CREB1: variants seen among roughly 807,000 people sequenced by gnomAD.
CREB1 encodes the protein cyclic AMP-responsive element-binding protein 1.
A neutral mutation model predicts 42.0 loss-of-function variants in CREB1; 2 were observed. The ratio of observed to expected loss-of-function variants is 0.05; its 90% CI spans 0.02 to 0.15. The LOEUF (loss-of-function observed/expected upper bound fraction) is 0.15, where lower values mean the gene tolerates loss of function less well. Ranked by LOEUF, CREB1 falls within the 10% of genes least tolerant of loss-of-function variation. CREB1 has a pLI of 1.00. For missense variants in CREB1, 199 were observed against 388.9 expected (o/e 0.51, Z 4.11); for synonymous variants, 123 against 139.9 (o/e 0.88, Z 0.85).
chr2:207,577,457 T>A, intron 6 of CREB1, 48 bp from the exon 7 acceptor site: 1 of 1,595,888 alleles, frequency 6.3e-7, no homozygotes. Context: ...CATAATTGAA[T>A]CAAGTTGCAA....
intron 2 of CREB1, among the ~76,000 whole-genome samples, chr2:207,556,734 C>A (rs1483521459): frequency 6.6e-6 from 1 of 152,178 alleles, no homozygotes; most frequent in Admixed American, 6.5e-5. Context: ...TGTACTCATA[C>A]GAGGCAGGCT....
In CREB1 at chr2:207,602,170, T is replaced by C. The variant is rs2087174478; in HGVS notation, c.*5112T>C. 1 of 195,038 alleles carries C rather than the reference T, an allele frequency of 5.1e-6. No individual in the cohort carries two copies. Among genetic ancestry groups the C allele is most frequent in the South Asian group, 1.9e-4 (1 of 5,180 alleles). 12.1% of individuals were successfully genotyped at this position (195,038 alleles called of 1,614,324 possible). ...CAGACCGACTTTAAGAGGGACCAGATAACGTTTGAATGGAGGGATTATATT... is the reference window on the plus strand; with the variant it reads ...CAGACCGACTTTAAGAGGGACCAGACAACGTTTGAATGGAGGGATTATATT... On this transcript the variant is annotated 3_prime_UTR_variant, in exon 8 of 8. Transcript: ENST00000353267.
chr2:207,541,945 T>C (rs1447639897), intron 1 of CREB1, among the ~76,000 whole-genome samples: 1 of 152,246 alleles, frequency 6.6e-6, no homozygotes, highest in African/African-American at 2.4e-5. Context: ...AGTGGAATCA[T>C]ATAGCATAAT....
intron 1 of CREB1, among the ~76,000 whole-genome samples, chr2:207,554,272 C>G (rs936242404): frequency 2.6e-5 from 4 of 152,152 alleles, no homozygotes; most frequent in African/African-American, 7.2e-5. Flanking sequence ...AAAACACTTT[C>G]TTTTTATAGA....
chr2:207,530,336 C>T (rs1218910006), intron 1 of CREB1, among the ~76,000 whole-genome samples: 1 of 149,012 alleles, frequency 6.7e-6, no homozygotes, highest in Non-Finnish European at 1.5e-5. Context: ...GAGCCAGCGG[C>T]GGCCGGGGCG....
At chr2:207,567,704 AT>A in intron 4 of CREB1, 141 bp downstream of exon 4, 1 of 526,600 alleles carries the variant, frequency 1.9e-6, no homozygotes, top group Non-Finnish European at 3.4e-6. Flanking sequence ...TTTGTCTCAA[AT>A]AAAGTGGAAG....
At chr2:207,567,661 T>A (rs1185684498) in intron 4 of CREB1, 98 bp downstream of exon 4, 1 of 675,560 alleles carries the variant, frequency 1.5e-6, no homozygotes, top group Non-Finnish European at 2.5e-6. Context: ...TCACGTCAGT[T>A]CCTTATAGAT....
chr2:207,532,033 A>T (rs888699396), intron 1 of CREB1, among the ~76,000 whole-genome samples: 16 of 152,214 alleles, frequency 1.1e-4, no homozygotes, highest in Non-Finnish European at 2.2e-4. Context: ...TCCGCAAGCC[A>T]CTATCAGTAG....
intron 4 of CREB1, among the ~76,000 whole-genome samples, chr2:207,569,774 T>A (rs1039387923): frequency 2.0e-5 from 3 of 152,116 alleles, no homozygotes; most frequent in Non-Finnish European, 4.4e-5. Context: ...CTGGGTGCAG[T>A]GGCTCACACC....
intron 7 of CREB1, chr2:207,580,851 C>T (rs1177397103): frequency 9.1e-6 from 2 of 219,730 alleles, no homozygotes; most frequent in Non-Finnish European, 1.8e-5. Context: ...GGATCCTGGG[C>T]TAGATAGAGC....
intron 1 of CREB1, among the ~76,000 whole-genome samples, chr2:207,541,886 A>G (rs1400956210): frequency 1.3e-5 from 2 of 152,184 alleles, no homozygotes; most frequent in African/African-American, 2.4e-5. Flanking sequence ...GCAACCACCT[A>G]TCACCTTTGT....
intron 5 of CREB1, chr2:207,571,628 C>A: frequency 2.9e-6 from 1 of 347,200 alleles, no homozygotes; most frequent in Non-Finnish European, 5.8e-6. Flanking sequence ...CAATTCTGTA[C>A]GTGTATGTGT....
chr2:207,558,955 T>A (rs79734201), intron 2 of CREB1, among the ~76,000 whole-genome samples: 3,024 of 152,312 alleles, frequency 0.02, 45 homozygotes, highest in Middle Eastern at 0.041. Flanking sequence ...AAGTGATCTA[T>A]CTAAAAGCAA....
Position 207,597,053 on chromosome 2 carries a change from G to A in CREB1, c.979G>A (p.Asp327Asn), listed in dbSNP as rs768455571. The A allele has an allele frequency of 6.3e-7, 1 of 1,593,930 alleles. No homozygotes were observed. The highest frequency in any genetic ancestry group is 1.1e-5 in the South Asian group (1 of 86,964). Residue 327 changes from aspartate to asparagine, a missense_variant, in exon 8 of 8, where the codon GAT (aspartate) becomes AAT (asparagine). Asp to Asn is a conservative substitution (Grantham distance 23). Transcript: ENST00000353267. ...ALKDLYCHKS[D>N] ...TAAGGACCTTTACTGCCACAAATCA[G>A]ATTAATTTGGGATTTAAATTTTCAC...
intron 1 of CREB1, among the ~76,000 whole-genome samples, chr2:207,545,202 T>G (rs918395217): frequency 6.6e-6 from 1 of 152,036 alleles, no homozygotes; most frequent in Admixed American, 6.6e-5. Flanking sequence ...AGAGAAAGGT[T>G]CTTTTATTTT....
At chr2:207,548,537 G>C (rs932686487) in intron 1 of CREB1, among the ~76,000 whole-genome samples, 9 of 152,060 alleles carry the variant, frequency 5.9e-5, no homozygotes, top group African/African-American at 2.2e-4. Context: ...GATCACCTAA[G>C]GTCAGGAGTT....
At chr2:207,585,925 AT>A (rs1271105562) in intron 7 of CREB1, among the ~76,000 whole-genome samples, 3 of 152,200 alleles carry the variant, frequency 2.0e-5, no homozygotes, top group Non-Finnish European at 2.9e-5. Context: ...AGGAGAAAAT[AT>A]AGGAAAAGGC....
chr2:207,602,699 G>A lies in CREB1; in HGVS notation c.*5641G>A. On this transcript the variant is annotated 3_prime_UTR_variant, in exon 8 of 8. Transcript: ENST00000353267. ...TTTTAAAATTGGTAAATGCTTTATA[G>A]ATGTATTTTTATCCAAGTGCCACTC... The A allele has an allele frequency of 4.8e-6, 1 of 210,148 alleles. No homozygotes were observed. The highest frequency in any genetic ancestry group is 9.7e-6 in the Non-Finnish European group (1 of 103,502). The allele number at this position is 210,148 out of a possible 1,614,324, so 13.0% of individuals were successfully genotyped here. A position where few individuals can be genotyped will look rare whatever the true frequency, so the allele number is the denominator to read the frequency against.
rs190718114 is a variant in CREB1, at chr2:207,566,225, A to G, written c.262-1238A>G. Among the ~76,000 whole-genome samples the G allele has an allele frequency of 2.7e-3, 415 of 152,316 alleles. 6 individuals are homozygous for G. The highest frequency in any genetic ancestry group is 0.025 in the Admixed American group (386 of 15,298). On this transcript the variant is annotated intron_variant, in intron 3 of 7. Coordinates refer to ENST00000353267, the MANE Select transcript of CREB1 (RefSeq NM_004379.5). Reference sequence around the variant, plus strand: ...ACAAAGCCCTGTAAAATGAATGCCCACTTGGGAGAACTGTTAGGCTCAGAC... The same window carrying G: ...ACAAAGCCCTGTAAAATGAATGCCCGCTTGGGAGAACTGTTAGGCTCAGAC...
Sources: gnomAD v4.1 joint callset for allele counts (sites outside exome capture counted in the v4.1 genomes callset) on GRCh38, gnomAD v4.1.1 for gene constraint, MANE v1.5 for transcripts, NCBI Gene and HGNC (gene_info 2026-07-23, HGNC 2026-07-21) for gene names.